TNFRSF13B: variants seen among roughly 807,000 people sequenced by gnomAD.
The protein encoded by TNFRSF13B is TNF receptor superfamily member 13B.
TNFRSF13B carries 34 observed loss-of-function variants against 24.0 expected under a neutral mutation model. The ratio of observed to expected loss-of-function variants is 1.41; its 90% CI spans 1.08 to 1.88. The LOEUF (loss-of-function observed/expected upper bound fraction) is 1.88. TNFRSF13B is among the 40% of genes most tolerant of loss of function. The pLI is 0.00. For missense variants in TNFRSF13B, 415 were observed against 380.8 expected (o/e 1.09, Z -0.75); for synonymous variants, 173 against 150.3 (o/e 1.15, Z -1.10).
intron 1 of TNFRSF13B, among the ~76,000 whole-genome samples, chr17:16,952,933 C>T (rs917396325): frequency 3.3e-5 from 5 of 152,158 alleles, no homozygotes; most frequent in Admixed American, 6.5e-5. Flanking sequence ...CCTCACATGA[C>T]GTGCCCTTCT....
At chr17:16,940,147 C>G in intron 4 of TNFRSF13B, 179 bp downstream of exon 4, 1 of 1,462,106 alleles carries the variant, frequency 6.8e-7, no homozygotes, top group African/African-American at 1.4e-5. Flanking sequence ...GGGTGCCACT[C>G]TCCCAGTTAT....
In TNFRSF13B at chr17:16,958,717, CAAAG is replaced by C. The variant is rs1173106782; in HGVS notation, c.62-6138_62-6135del. Among the ~76,000 whole-genome samples the C allele has an allele frequency of 3.3e-5, 5 of 151,662 alleles. 1 individual carries two copies. Among genetic ancestry groups the C allele is most frequent in the African/African-American group, 9.7e-5 (4 of 41,270 alleles). ...TAAATCACAAAAAAATTACAAAAGA[CAAAG>C]AAGGACAATATATATTAATAAAGGG... On this transcript the variant is annotated intron_variant, in intron 1 of 4. Coordinates refer to ENST00000261652, the MANE Select transcript of TNFRSF13B (RefSeq NM_012452.3).
In TNFRSF13B at chr17:16,952,544, C is replaced by A. The variant is rs778477333; in HGVS notation, c.101G>T (p.Cys34Phe). Residue 34 changes from cysteine to phenylalanine, a missense_variant, in exon 2 of 5, where the codon TGC (cysteine) becomes TTC (phenylalanine). Cys to Phe is a radical substitution (Grantham distance 205). Transcript: ENST00000261652. The stretch of plus-strand genomic sequence containing the variant: ...AGGATCCCAGTACTGCTCTTCGGGG[C>A]AGGATCTCATAGCCACCCCCGTCCA... ...GLWTGVAMRS[C>F]PEEQYWDPLL... The A allele has an allele frequency of 1.9e-6, 3 of 1,614,214 alleles. No homozygotes were observed. The South Asian group carries it at 3.3e-5, about 18-fold the overall frequency.
intron 2 of TNFRSF13B, among the ~76,000 whole-genome samples, chr17:16,950,736 T>C (rs1345913218): frequency 6.6e-6 from 1 of 150,624 alleles, no homozygotes; most frequent in Non-Finnish European, 1.5e-5. Context: ...CTGCCTGACC[T>C]CACACCCCTC....
At chr17:16,948,711 C>T in intron 3 of TNFRSF13B, 27 bp downstream of exon 3, 2 of 1,613,090 alleles carry the variant, frequency 1.2e-6, no homozygotes, top group Non-Finnish European at 1.7e-6. Context: ...TGCGTGACAC[C>T]ATGCAGGTTT....
chr17:16,950,461 C>T (rs1406935072), intron 2 of TNFRSF13B, among the ~76,000 whole-genome samples: 1 of 152,186 alleles, frequency 6.6e-6, no homozygotes, highest in Non-Finnish European at 1.5e-5. Context: ...GTGTCTTTGA[C>T]AGAGTAAAGG....
At chr17:16,942,959 G>A (rs952566950) in intron 3 of TNFRSF13B, among the ~76,000 whole-genome samples, 3 of 152,276 alleles carry the variant, frequency 2.0e-5, no homozygotes, top group African/African-American at 7.2e-5. Context: ...TGACAGCCTC[G>A]GTGTTTGCTC....
intron 1 of TNFRSF13B, among the ~76,000 whole-genome samples, chr17:16,968,448 C>G (rs1249806628): frequency 6.6e-6 from 1 of 152,214 alleles, no homozygotes; most frequent in African/African-American, 2.4e-5. Flanking sequence ...GATACCCAGA[C>G]TATTCAATGG....
At chr17:16,952,764 C>T (rs970137758) in intron 1 of TNFRSF13B, among the ~76,000 whole-genome samples, 181 bp from the exon 2 acceptor site, 4 of 152,206 alleles carry the variant, frequency 2.6e-5, no homozygotes, top group Non-Finnish European at 5.9e-5. Context: ...GGGCCTGGGG[C>T]AGCCACCTCC....
intron 3 of TNFRSF13B, chr17:16,941,528 C>G (rs1324447298): frequency 1.0e-6 from 1 of 987,482 alleles, no homozygotes; most frequent in East Asian, 1.1e-4. Context: ...TCAAGAAGAG[C>G]GAGTCCCACT....
intron 1 of TNFRSF13B, 26 bp downstream of exon 1, chr17:16,971,981 ACCTGCCCT>A (rs753249665): frequency 1.2e-5 from 19 of 1,612,202 alleles, no homozygotes; most frequent in East Asian, 4.5e-5. Context: ...CACACCTCCC[ACCTGCCCT>A]CCTGCCCTCC....
In TNFRSF13B at chr17:16,939,390, CCT is replaced by C. The variant is rs1461884991; in HGVS notation, c.*155_*156del. The C allele has an allele frequency of 5.1e-5, 44 of 871,182 alleles. No homozygotes were observed. Among genetic ancestry groups the C allele is most frequent in the Non-Finnish European group, 6.7e-5 (40 of 597,938 alleles). The allele number at this position is 871,182 out of a possible 1,614,324, so 54.0% of individuals were successfully genotyped here. A position where few individuals can be genotyped will look rare whatever the true frequency, so the allele number is the denominator to read the frequency against. On this transcript the variant is annotated 3_prime_UTR_variant, in exon 5 of 5. Coordinates refer to ENST00000261652, the MANE Select transcript of TNFRSF13B (RefSeq NM_012452.3). ...CTCTCTTCCCCTCTGTCTCTCTCTC[CCT>C]CTGTCTCTCTCTCCCTCTCTGTCTC... is the stretch of plus-strand genomic sequence containing the variant.
At chr17:16,957,697 T>A (rs1211217615) in intron 1 of TNFRSF13B, among the ~76,000 whole-genome samples, 1 of 151,948 alleles carries the variant, frequency 6.6e-6, no homozygotes, top group Non-Finnish European at 1.5e-5. Flanking sequence ...TGAAATGATA[T>A]ATTTAAAGTC....
intron 3 of TNFRSF13B, among the ~76,000 whole-genome samples, chr17:16,943,824 C>T (rs1265661658): frequency 6.6e-6 from 1 of 152,234 alleles, no homozygotes; most frequent in African/African-American, 2.4e-5. Flanking sequence ...GATGAGCAGC[C>T]CCACCCAGTA....
intron 1 of TNFRSF13B, among the ~76,000 whole-genome samples, chr17:16,953,650 T>G (rs1320790123): frequency 6.6e-6 from 1 of 152,228 alleles, no homozygotes; most frequent in African/African-American, 2.4e-5. Context: ...TTTGTGTTAC[T>G]GTGAATCTTC....
intron 3 of TNFRSF13B, chr17:16,940,885 G>A: frequency 8.7e-7 from 1 of 1,144,178 alleles, no homozygotes; most frequent in Non-Finnish European, 1.1e-6. Flanking sequence ...CTTCCTCCAA[G>A]GAGAAAGCTT....
At chr17:16,959,206 A>AT (rs1281838195) in intron 1 of TNFRSF13B, among the ~76,000 whole-genome samples, 1 of 152,134 alleles carries the variant, frequency 6.6e-6, no homozygotes, top group African/African-American at 2.4e-5. Flanking sequence ...TGTAAATTAA[A>AT]CAACACGCTC....
intron 1 of TNFRSF13B, among the ~76,000 whole-genome samples, chr17:16,966,258 A>AG (rs2087698463): frequency 6.6e-6 from 1 of 151,976 alleles, no homozygotes; most frequent in African/African-American, 2.4e-5. Context: ...CATCTCAAAA[A>AG]AAAAAACACC....
intron 1 of TNFRSF13B, among the ~76,000 whole-genome samples, chr17:16,969,027 G>C (rs78655771): frequency 0.041 from 6,252 of 152,340 alleles, 145 homozygotes; most frequent in South Asian, 0.11. Flanking sequence ...GGGATGGCTA[G>C]AATGAGAAAG....
Sources: gnomAD v4.1 joint callset for allele counts (sites outside exome capture counted in the v4.1 genomes callset) on GRCh38, gnomAD v4.1.1 for gene constraint, MANE v1.5 for transcripts, NCBI Gene and HGNC (gene_info 2026-07-23, HGNC 2026-07-21) for gene names.